DLGAP1: variants seen among roughly 807,000 people sequenced by gnomAD.
DLGAP1 encodes the protein DLG associated protein 1, also known as disks large-associated protein 1.
DLGAP1 carries 11 observed loss-of-function variants against 90.8 expected under a neutral mutation model. The ratio of observed to expected loss-of-function variants is 0.12; its 90% CI spans 0.08 to 0.20. DLGAP1 has a LOEUF of 0.20. Ranked by LOEUF, DLGAP1 falls within the 10% of genes least tolerant of loss-of-function variation. The pLI is 1.00. For synonymous variants in DLGAP1, 558 were observed against 540.7 expected, an observed-to-expected ratio of 1.03 and a Z score of -0.44; for missense variants, 1,050 against 1,333.8, an observed-to-expected ratio of 0.79 and a Z score of 3.31.
chr18:3,672,577 CAAAAAAAAAAAA>C lies in DLGAP1; in HGVS notation c.1591+56546_1591+56557del, dbSNP rs60316690. Among the ~76,000 whole-genome samples, 4 of 39,586 alleles carry C rather than the reference CAAAAAAAAAAAA, an allele frequency of 1.0e-4. No individual in the cohort carries two copies. The South Asian group carries it at 5.6e-3, about 55-fold the overall frequency. The allele number at this position is 39,586 out of a possible 152,430, so 26.0% of individuals were successfully genotyped here. A position where few individuals can be genotyped will look rare whatever the true frequency, so the allele number is the denominator to read the frequency against. On this transcript the variant is annotated intron_variant, in intron 7 of 12. Coordinates refer to ENST00000315677, the MANE Select transcript of DLGAP1 (RefSeq NM_004746.4). ...GGGCAACAAGAGCAAAACTCTATCT[CAAAAAAAAAAAA>C]AAAAAAAAAAAAAAAAAAAAGTTAA...
At chr18:3,967,780 T>G (rs2073360223) in intron 3 of DLGAP1, among the ~76,000 whole-genome samples, 1 of 152,188 alleles carries the variant, frequency 6.6e-6, no homozygotes, top group South Asian at 2.1e-4. Flanking sequence ...TTTTTAAAAA[T>G]TCGAGTTTAT....
At position 4,095,114 on chromosome 18, in the gene DLGAP1, A is replaced by G. The variant is rs961737756; in HGVS notation, c.-159+56066T>C. On this transcript the variant is annotated intron_variant, in intron 2 of 12. Transcript: ENST00000315677. ...AGAGGACCTGAGATATCTTCCTGAG[A>G]GCATTTGAAATTTCCTTTTGCCTCA... 2.6e-5 allele frequency among the ~76,000 whole-genome samples: 4 copies of G among 152,184 alleles called. 1 individual carries two copies. The highest frequency in any genetic ancestry group is 1.5e-5 in the Non-Finnish European group (1 of 68,034).
Position 4,084,554 on chromosome 18 carries a change from G to A in DLGAP1, c.-159+66626C>T, listed in dbSNP as rs2075654897. Among the ~76,000 whole-genome samples, 3 of 152,070 alleles carry A rather than the reference G, an allele frequency of 2.0e-5. No individual in the cohort carries two copies. Among genetic ancestry groups the A allele is most frequent in the Non-Finnish European group, 2.9e-5 (2 of 68,004 alleles). The stretch of plus-strand genomic sequence containing the variant: ...TGTCCACCCTATACCCACAGGACAG[G>A]AGCATCGTTATCTCTAAGACTCAGG... On this transcript the variant is annotated intron_variant, in intron 2 of 12. Transcript: ENST00000315677. The surrounding 1 kb of genome is among the most constrained non-coding windows in gnomAD (Gnocchi z 4.0).
intron 7 of DLGAP1, among the ~76,000 whole-genome samples, chr18:3,688,825 G>C (rs1157205113): frequency 6.6e-6 from 1 of 152,112 alleles, no homozygotes; most frequent in East Asian, 1.9e-4. Flanking sequence ...CATGAGACTG[G>C]CCTCTTTCAT....
At chr18:3,819,730 T>A (rs771089972) in intron 4 of DLGAP1, among the ~76,000 whole-genome samples, 2 of 152,184 alleles carry the variant, frequency 1.3e-5, no homozygotes, top group African/African-American at 2.4e-5. Flanking sequence ...CAAGCTGAGG[T>A]CTGCCATTCA....
At chr18:4,392,845 A>G (rs1315094991) in intron 1 of DLGAP1, among the ~76,000 whole-genome samples, 2 of 152,152 alleles carry the variant, frequency 1.3e-5, no homozygotes, top group African/African-American at 4.8e-5. Context: ...CTGATGCCCA[A>G]TTGGTCCCAA....
intron 7 of DLGAP1, among the ~76,000 whole-genome samples, chr18:3,622,034 C>A (rs2058111871): frequency 6.6e-6 from 1 of 152,022 alleles, no homozygotes; most frequent in African/African-American, 2.4e-5. Flanking sequence ...ACCTGTGGAG[C>A]CTCTGATGTG....
chr18:3,987,380 C>T (rs1229886957), intron 3 of DLGAP1, among the ~76,000 whole-genome samples: 1 of 152,104 alleles, frequency 6.6e-6, no homozygotes, highest in Non-Finnish European at 1.5e-5. Flanking sequence ...AACAAAAAAC[C>T]CACTGGCTTC....
At chr18:3,992,337 C>T (rs1334075200) in intron 3 of DLGAP1, among the ~76,000 whole-genome samples, 1 of 152,126 alleles carries the variant, frequency 6.6e-6, no homozygotes, top group Non-Finnish European at 1.5e-5. Flanking sequence ...ATCAGCTTTT[C>T]TCTTCTCTTT....
intron 9 of DLGAP1, among the ~76,000 whole-genome samples, chr18:3,559,532 A>G (rs1421172195): frequency 6.6e-6 from 1 of 151,054 alleles, no homozygotes; most frequent in East Asian, 1.9e-4. Flanking sequence ...CTCCTTTCTT[A>G]GCATACTAAT....
chr18:4,208,240 T>C (rs2077761487), intron 1 of DLGAP1, among the ~76,000 whole-genome samples: 1 of 152,220 alleles, frequency 6.6e-6, no homozygotes. Flanking sequence ...CTTGTAAATT[T>C]TGTGTTTGGA....
rs1236297981 is a variant in DLGAP1 at position 3,526,676 on chromosome 18, C to A, written c.2479+7518G>T. Among the ~76,000 whole-genome samples, 2 of 152,212 alleles carry A rather than the reference C, an allele frequency of 1.3e-5. No homozygotes were observed. The highest frequency in any genetic ancestry group is 4.8e-5 in the African/African-American group (2 of 41,444). On this transcript the variant is annotated intron_variant, in intron 10 of 12. Transcript: ENST00000315677. The surrounding 1 kb of genome is among the most constrained non-coding windows in gnomAD (Gnocchi z 4.7). ...CAATCACCGGTATTTCATCTTAGGGCCATTGAAACCTGAGCCTATGTTCTT... is the reference window on the plus strand; with the variant it reads ...CAATCACCGGTATTTCATCTTAGGGACATTGAAACCTGAGCCTATGTTCTT...
chr18:4,202,622 TATGG>T (rs1407283094), intron 1 of DLGAP1, among the ~76,000 whole-genome samples: 5 of 152,260 alleles, frequency 3.3e-5, no homozygotes, highest in African/African-American at 1.2e-4. Context: ...AAAAATCAAG[TATGG>T]ATTTTGTACT....
chr18:3,863,082 G>C (rs1015269569), intron 4 of DLGAP1, among the ~76,000 whole-genome samples: 9 of 152,258 alleles, frequency 5.9e-5, no homozygotes, highest in African/African-American at 2.2e-4. Context: ...TGTTGATTGA[G>C]GGATTAATAA....
At chr18:3,904,032 G>A (rs565194677) in intron 3 of DLGAP1, among the ~76,000 whole-genome samples, 2 of 152,262 alleles carry the variant, frequency 1.3e-5, no homozygotes, top group Admixed American at 1.3e-4. Context: ...AAAACTCTGG[G>A]CTTAAGGAAA....
intron 1 of DLGAP1, among the ~76,000 whole-genome samples, chr18:4,225,899 C>A (rs1361582152): frequency 2.0e-5 from 3 of 152,052 alleles, no homozygotes. Context: ...GATAATAACA[C>A]AGAACTTCCC....
rs1421470231 is a variant in DLGAP1 at position 4,076,888 on chromosome 18, T to C, written c.-158-71687A>G. 4.3e-4 allele frequency among the ~76,000 whole-genome samples: 65 copies of C among 152,066 alleles called. 1 individual carries two copies. Among genetic ancestry groups the C allele is most frequent in the Admixed American group, 4.3e-3 (65 of 15,264 alleles). ...ATCCACCTGCCTCGGCCTCCCAAAG[T>C]TGCTGGGATTACAGGCGTAAACCAC... On this transcript the variant is annotated intron_variant, in intron 2 of 12. Transcript: ENST00000315677.
At chr18:3,902,534 C>CTTCT (rs1235156923) in intron 3 of DLGAP1, among the ~76,000 whole-genome samples, 1 of 152,086 alleles carries the variant, frequency 6.6e-6, no homozygotes, top group Non-Finnish European at 1.5e-5. Flanking sequence ...CTTTCAATTT[C>CTTCT]TATAAGTTTC....
chr18:3,765,374 C>T (rs989302405), intron 5 of DLGAP1, among the ~76,000 whole-genome samples: 9 of 150,826 alleles, frequency 6.0e-5, no homozygotes, highest in Non-Finnish European at 1.0e-4. Context: ...TCATGATCTG[C>T]CCACCTTGGC....
Sources: allele counts gnomAD v4.1 joint callset (sites outside exome capture counted in the v4.1 genomes callset), GRCh38; gene constraint gnomAD v4.1.1; non-coding constraint Gnocchi (gnomAD v3.1); transcripts MANE v1.5; gene names NCBI Gene and HGNC (gene_info 2026-07-23, HGNC 2026-07-21).